Variants in LUZP2 observed in about 807,000 individuals in gnomAD.
The protein encoded by LUZP2 is leucine zipper protein 2.
LUZP2 carries 52 observed loss-of-function variants against 51.6 expected under a neutral mutation model. That is an observed-to-expected ratio of 1.01 (90% CI 0.81 to 1.27). The LOEUF (loss-of-function observed/expected upper bound fraction) is 1.27, where lower values mean the gene tolerates loss of function less well. Ranked by LOEUF, LUZP2 falls within the 50% of genes most tolerant of loss-of-function variation. The probability of loss-of-function intolerance (pLI) is 0.00; values close to 1 mark genes in which losing one functional copy is unlikely to be tolerated. For synonymous variants in LUZP2, 154 were observed against 137.3 expected (o/e 1.12, Z -0.85); for missense variants, 436 against 395.4 (o/e 1.10, Z -0.87).
intron 5 of LUZP2, among the ~76,000 whole-genome samples, chr11:24,904,065 T>C (rs188846682): frequency 3.3e-4 from 51 of 152,304 alleles, no homozygotes; most frequent in Admixed American, 5.9e-4. Flanking sequence ...TTTTCCGTAA[T>C]GGCTGTACTA....
At chr11:24,986,944 G>T (rs1221913213) in intron 9 of LUZP2, among the ~76,000 whole-genome samples, 1 of 151,724 alleles carries the variant, frequency 6.6e-6, no homozygotes, top group Non-Finnish European at 1.5e-5. Flanking sequence ...GGATTCATTA[G>T]TCAGACTAAG....
At chr11:24,961,712 CTG>C (rs1855414468) in intron 7 of LUZP2, among the ~76,000 whole-genome samples, 1 of 152,058 alleles carries the variant, frequency 6.6e-6, no homozygotes, top group Non-Finnish European at 1.5e-5. Flanking sequence ...ATTTGCCTGT[CTG>C]TGTCTTTTAA....
intron 5 of LUZP2, chr11:24,893,439 C>T (rs1590698228): frequency 1.3e-5 from 2 of 152,068 alleles, no homozygotes; most frequent in African/African-American, 4.8e-5. Flanking sequence ...TACACACATA[C>T]ATTCACACCC....
chr11:24,878,926 A>G (rs1232015996), intron 5 of LUZP2, among the ~76,000 whole-genome samples: 1 of 151,876 alleles, frequency 6.6e-6, no homozygotes, highest in African/African-American at 2.4e-5. Context: ...AGCTTCATCC[A>G]TGTCCCTGCA....
intron 1 of LUZP2, among the ~76,000 whole-genome samples, chr11:24,671,108 T>C (rs1311692352): frequency 6.6e-6 from 1 of 151,986 alleles, no homozygotes; most frequent in African/African-American, 2.4e-5. Context: ...TGGTAATTAA[T>C]GTCAATTCAA....
intron 1 of LUZP2, 32 bp from the exon 2 acceptor site, chr11:24,729,137 G>T (rs751530493): frequency 1.9e-5 from 23 of 1,200,230 alleles, no homozygotes; most frequent in Non-Finnish European, 2.4e-5. Context: ...GAACCATTTG[G>T]GGGGCTCTCA....
At chr11:24,907,918 ATGTAT>A in intron 6 of LUZP2, among the ~76,000 whole-genome samples, 1 of 152,230 alleles carries the variant, frequency 6.6e-6, no homozygotes, top group East Asian at 1.9e-4. Context: ...TACTATTGAA[ATGTAT>A]TGTAATAGGT....
chr11:24,716,869 C>G (rs11028117), intron 1 of LUZP2, among the ~76,000 whole-genome samples: 4,300 of 151,934 alleles, frequency 0.028, 188 homozygotes, highest in African/African-American at 0.097. Context: ...GCACTCCAGC[C>G]TGGGTGACAG....
chr11:24,853,590 T>C (rs1250510629), intron 5 of LUZP2, among the ~76,000 whole-genome samples: 1 of 152,042 alleles, frequency 6.6e-6, no homozygotes, highest in Non-Finnish European at 1.5e-5. Context: ...TGGAGGAGTT[T>C]GTTATTACCC....
At chr11:24,894,422 G>T (rs1447577432) in intron 5 of LUZP2, among the ~76,000 whole-genome samples, 1 of 152,048 alleles carries the variant, frequency 6.6e-6, no homozygotes, top group Non-Finnish European at 1.5e-5. Flanking sequence ...TGATTCACCC[G>T]CCTCGGCCTC....
intron 5 of LUZP2, chr11:24,785,809 T>G (rs1849230905): frequency 1.0e-6 from 1 of 952,928 alleles, no homozygotes; most frequent in African/African-American, 1.8e-5. Flanking sequence ...ACTTCTCCTT[T>G]CACAGATGAA....
chr11:24,745,934 T>C (rs957174365), intron 4 of LUZP2, among the ~76,000 whole-genome samples: 3 of 152,108 alleles, frequency 2.0e-5, no homozygotes, highest in Non-Finnish European at 2.9e-5. Flanking sequence ...AGCCTCGGCT[T>C]CCCAAAATGC....
chr11:24,785,203 T>G (rs1276344116), intron 5 of LUZP2, among the ~76,000 whole-genome samples: 2 of 152,082 alleles, frequency 1.3e-5, no homozygotes, highest in African/African-American at 4.8e-5. Context: ...CACATATCTA[T>G]ATTGTGGCTT....
chr11:24,804,423 A>G (rs1348209501), intron 5 of LUZP2, among the ~76,000 whole-genome samples: 2 of 152,174 alleles, frequency 1.3e-5, no homozygotes, highest in African/African-American at 4.8e-5. Flanking sequence ...CAAGAGAAAA[A>G]CACACCAATT....
intron 9 of LUZP2, among the ~76,000 whole-genome samples, chr11:24,990,505 T>C (rs909504050): frequency 1.3e-5 from 2 of 152,088 alleles, no homozygotes; most frequent in African/African-American, 4.8e-5. Flanking sequence ...AAATATTTAC[T>C]ATTTGTATAT....
At chr11:24,829,947 G>A (rs965713242) in intron 5 of LUZP2, among the ~76,000 whole-genome samples, 1 of 152,168 alleles carries the variant, frequency 6.6e-6, no homozygotes, top group Non-Finnish European at 1.5e-5. Context: ...CCTGCTGTCT[G>A]TGTTGGTCGA....
intron 4 of LUZP2, among the ~76,000 whole-genome samples, chr11:24,747,622 GC>G (rs1275841067): frequency 6.6e-6 from 1 of 152,080 alleles, no homozygotes; most frequent in Non-Finnish European, 1.5e-5. Context: ...AAGAGTATAT[GC>G]CCTTTGTCTT....
At chr11:24,629,719 G>A (rs1223576349) in intron 1 of LUZP2, among the ~76,000 whole-genome samples, 1 of 151,560 alleles carries the variant, frequency 6.6e-6, no homozygotes, top group East Asian at 1.9e-4. Flanking sequence ...CCAGTAGTGG[G>A]ATTGCTGGAT....
intron 5 of LUZP2, among the ~76,000 whole-genome samples, chr11:24,800,107 C>G (rs1849655488): frequency 6.6e-6 from 1 of 152,094 alleles, no homozygotes. Flanking sequence ...AATTTGCTAT[C>G]CACCCGCCCC....
Sources: allele counts gnomAD v4.1 joint callset (sites outside exome capture counted in the v4.1 genomes callset), GRCh38; gene constraint gnomAD v4.1.1; transcripts MANE v1.5; gene names NCBI Gene and HGNC (gene_info 2026-07-23, HGNC 2026-07-21).